The following MARCHF1 variants were observed in gnomAD, a reference collection of about 807,000 sequenced individuals.
MARCHF1 encodes E3 ubiquitin-protein ligase MARCHF1.
MARCHF1 carries 40 observed loss-of-function variants against 54.2 expected under a neutral mutation model. The ratio of observed to expected loss-of-function variants is 0.74; its 90% CI spans 0.57 to 0.96. The LOEUF (loss-of-function observed/expected upper bound fraction) is 0.96, where lower values mean the gene tolerates loss of function less well. Among genes scored for constraint, MARCHF1 ranks in the 40% least tolerant of loss-of-function variants. MARCHF1 has a pLI of 0.00. For missense variants in MARCHF1, 586 were observed against 656.5 expected (o/e 0.89, Z 1.17); for synonymous variants, 236 against 236.3 (o/e 1.00, Z 0.01).
At chr4:163,709,279 G>T (rs1745038082) in intron 4 of MARCHF1, among the ~76,000 whole-genome samples, 1 of 152,054 alleles carries the variant, frequency 6.6e-6, no homozygotes. Flanking sequence ...TGTGTATAAA[G>T]TTTCAGTTGT....
chr4:164,154,477 A>G (rs558650857), intron 1 of MARCHF1, among the ~76,000 whole-genome samples: 5 of 152,312 alleles, frequency 3.3e-5, no homozygotes, highest in African/African-American at 1.2e-4. Context: ...CAACTTCATC[A>G]TATTTTGCTG....
intron 1 of MARCHF1, among the ~76,000 whole-genome samples, chr4:164,281,903 A>G (rs1734035536): frequency 6.6e-6 from 1 of 151,378 alleles, no homozygotes; most frequent in Non-Finnish European, 1.5e-5. Context: ...TCCCTTTGCA[A>G]AACTCAGTCA....
chr4:164,333,472 A>G (rs7690730), intron 1 of MARCHF1, among the ~76,000 whole-genome samples: 63,977 of 152,022 alleles, frequency 0.42, 14,109 homozygotes, highest in Non-Finnish European at 0.49. Context: ...TATTATATCT[A>G]TTATGGTGAT....
At chr4:163,650,250 C>G (rs559889388) in intron 5 of MARCHF1, among the ~76,000 whole-genome samples, 4 of 151,718 alleles carry the variant, frequency 2.6e-5, no homozygotes, top group African/African-American at 4.8e-5. Flanking sequence ...AACTAATAAA[C>G]CTAATGCAAC....
At chr4:163,889,924 TTC>T (rs138990509) in intron 3 of MARCHF1, among the ~76,000 whole-genome samples, 17,758 of 113,772 alleles carry the variant, frequency 0.16, 2,207 homozygotes, top group East Asian at 0.4. Flanking sequence ...ATTTTCTTTT[TTC>T]TTTTTTTTTT....
At chr4:163,946,018 A>G (rs947930665) in intron 3 of MARCHF1, among the ~76,000 whole-genome samples, 2 of 151,896 alleles carry the variant, frequency 1.3e-5, no homozygotes, top group Non-Finnish European at 2.9e-5. Flanking sequence ...AAAAACACTT[A>G]ATTCCATATA....
At chr4:163,806,361 AG>A (rs1748223523) in intron 4 of MARCHF1, among the ~76,000 whole-genome samples, 1 of 152,174 alleles carries the variant, frequency 6.6e-6, no homozygotes, top group Non-Finnish European at 1.5e-5. Flanking sequence ...TGAACACTGA[AG>A]GAAAGTCTCA....
At chr4:164,347,493 C>T (rs1730141925) in intron 1 of MARCHF1, among the ~76,000 whole-genome samples, 1 of 152,130 alleles carries the variant, frequency 6.6e-6, no homozygotes, top group African/African-American at 2.4e-5. Context: ...ATGTTTATTT[C>T]CTTTGACTGT....
At chr4:163,819,300 C>A (rs1484218625) in intron 4 of MARCHF1, among the ~76,000 whole-genome samples, 1 of 152,072 alleles carries the variant, frequency 6.6e-6, no homozygotes, top group Non-Finnish European at 1.5e-5. Flanking sequence ...TGGGCTTTAA[C>A]TTTAATAACA....
At position 163,911,731 on chromosome 4, in the gene MARCHF1, C is replaced by T. The variant is rs115546593; in HGVS notation, c.-38-57562G>A. Among the ~76,000 whole-genome samples, 612 of 152,214 alleles carry T rather than the reference C, an allele frequency of 4.0e-3. 3 individuals are homozygous for T. The highest frequency in any genetic ancestry group is 0.014 in the African/African-American group (583 of 41,540). Reference sequence around the variant, plus strand: ...ACGATGTCATATGGGTGTCATATTTCTTCCTTCTCATAAAAGAAAGCTACA... The same window carrying T: ...ACGATGTCATATGGGTGTCATATTTTTTCCTTCTCATAAAAGAAAGCTACA... On this transcript the variant is annotated intron_variant, in intron 3 of 9. Coordinates refer to ENST00000514618, the MANE Select transcript of MARCHF1 (RefSeq NM_001394959.1).
At chr4:163,667,139 G>A (rs886903720) in intron 5 of MARCHF1, among the ~76,000 whole-genome samples, 1 of 151,960 alleles carries the variant, frequency 6.6e-6, no homozygotes, top group Non-Finnish European at 1.5e-5. Flanking sequence ...ACATCATGAA[G>A]TTCTTTTTTT....
intron 5 of MARCHF1, among the ~76,000 whole-genome samples, chr4:163,625,301 CACCTGTATTACTGTCTA>C (rs1346312807): frequency 6.6e-6 from 1 of 152,140 alleles, no homozygotes; most frequent in African/African-American, 2.4e-5. Flanking sequence ...TTTATTTTAT[CACCTGTATTACTGTCTA>C]ACCATTTCCA....
chr4:164,256,432 TAAA>T (rs11345775), intron 1 of MARCHF1, among the ~76,000 whole-genome samples: 5 of 121,856 alleles, frequency 4.1e-5, no homozygotes, highest in Non-Finnish European at 8.5e-5. Context: ...ACAAGAAGCT[TAAA>T]AAAAAAAAAA....
At chr4:163,564,371 C>A (rs1240999636) in intron 8 of MARCHF1, among the ~76,000 whole-genome samples, 2 of 152,086 alleles carry the variant, frequency 1.3e-5, no homozygotes, top group African/African-American at 2.4e-5. Context: ...GGATAAAATT[C>A]TTTGATTTAT....
At chr4:164,172,884 G>A (rs1730565048) in intron 1 of MARCHF1, among the ~76,000 whole-genome samples, 1 of 151,728 alleles carries the variant, frequency 6.6e-6, no homozygotes, top group South Asian at 2.1e-4. Context: ...AGGAGGCTGA[G>A]GCAGGAGAAT....
chr4:163,841,557 T>A (rs910665602), intron 4 of MARCHF1, among the ~76,000 whole-genome samples: 1 of 152,114 alleles, frequency 6.6e-6, no homozygotes, highest in Non-Finnish European at 1.5e-5. Context: ...CAGTTATGCA[T>A]ATAGTTGCAT....
intron 1 of MARCHF1, among the ~76,000 whole-genome samples, chr4:164,225,289 GTTT>G (rs1191929635): frequency 1.3e-5 from 2 of 151,892 alleles, no homozygotes; most frequent in African/African-American, 2.4e-5. Context: ...TTTGCCTAAT[GTTT>G]TTTATAAAAA....
intron 4 of MARCHF1, among the ~76,000 whole-genome samples, chr4:163,717,266 G>A (rs13124400): frequency 1.1e-4 from 16 of 149,848 alleles, no homozygotes; most frequent in Admixed American, 5.4e-4. Context: ...TTGTCCTTGC[G>A]ATAGTTTGCT....
chr4:163,602,970 C>A (rs929138696), intron 7 of MARCHF1, among the ~76,000 whole-genome samples: 1 of 152,008 alleles, frequency 6.6e-6, no homozygotes, highest in African/African-American at 2.4e-5. Context: ...AACTTTCTCA[C>A]AATTAGAGAC....
Sources: gnomAD v4.1 joint callset for allele counts (sites outside exome capture counted in the v4.1 genomes callset) on GRCh38, gnomAD v4.1.1 for gene constraint, MANE v1.5 for transcripts, NCBI Gene and HGNC (gene_info 2026-07-23, HGNC 2026-07-21) for gene names.